Variants in GLIS1 observed in about 807,000 individuals in gnomAD.
GLIS1 encodes the protein zinc finger protein GLIS1.
GLIS1 carries 24 observed loss-of-function variants against 63.8 expected under a neutral mutation model. The observed-to-expected ratio is 0.38, with a 90% CI of 0.27 to 0.53. The LOEUF is 0.53. Ranked by LOEUF, GLIS1 falls within the 20% of genes least tolerant of loss-of-function variation. GLIS1 has a pLI of 0.85. For missense variants in GLIS1, 1,036 were observed against 1,074.1 expected, an observed-to-expected ratio of 0.96 and a Z score of 0.50; for synonymous variants, 450 against 482.5, an observed-to-expected ratio of 0.93 and a Z score of 0.88.
chr1:53,633,465 A>G (rs1221621078), intron 2 of GLIS1, among the ~76,000 whole-genome samples: 1 of 123,342 alleles, frequency 8.1e-6, no homozygotes, highest in African/African-American at 3.0e-5. Context: ...GGTGTGAATG[A>G]GTGGCTGAGG....
intron 2 of GLIS1, among the ~76,000 whole-genome samples, chr1:53,730,402 G>T (rs1436852404): frequency 1.3e-5 from 2 of 152,156 alleles, no homozygotes; most frequent in Admixed American, 1.3e-4. Flanking sequence ...AATTCATATA[G>T]TCCAGCAGCG....
Position 53,600,816 on chromosome 1 carries a change from C to A in GLIS1, c.260-538G>T, listed in dbSNP as rs147656765. Among the ~76,000 whole-genome samples the A allele has an allele frequency of 7.6e-3, 1,158 of 152,318 alleles. 16 individuals carry two copies. The highest frequency in any genetic ancestry group is 0.025 in the African/African-American group (1,025 of 41,568). The stretch of plus-strand genomic sequence containing the variant: ...CAAAAGCTCAGTCTACATTGTCTCC[C>A]AAATTGTGTTACACCACAGAAACAC... On this transcript the variant is annotated intron_variant, in intron 2 of 10. Transcript: ENST00000628545.
intron 2 of GLIS1, among the ~76,000 whole-genome samples, chr1:53,645,849 T>C (rs1349664963): frequency 2.0e-5 from 3 of 152,218 alleles, no homozygotes; most frequent in Non-Finnish European, 2.9e-5. Context: ...TTGCAGGAAG[T>C]AGAGCTGGGC....
intron 4 of GLIS1, among the ~76,000 whole-genome samples, chr1:53,546,585 G>A (rs1644701479): frequency 8.7e-6 from 1 of 114,404 alleles, no homozygotes; most frequent in Non-Finnish European, 2.1e-5. Flanking sequence ...GACTACATGA[G>A]ATGAGAGATG....
In GLIS1 at chr1:53,607,960, T is replaced by C. The variant is rs1232104952; in HGVS notation, c.260-7682A>G. 2.5e-3 allele frequency among the ~76,000 whole-genome samples: 358 copies of C among 143,018 alleles called. 7 individuals are homozygous for C. The East Asian group carries it at 0.061, about 24-fold the overall frequency. 93.8% of individuals were successfully genotyped at this position (143,018 alleles called of 152,430 possible). A position where few individuals can be genotyped will look rare whatever the true frequency, so the allele number is the denominator to read the frequency against. On this transcript the variant is annotated intron_variant, in intron 2 of 10. Coordinates refer to ENST00000628545, the MANE Select transcript of GLIS1 (RefSeq NM_001367484.1). ...AGAGTGAGCTCTCTGATGTCTCTCT[T>C]TTTTTTTTTTTTTTTTGAGACAGGG...
chr1:53,544,291 G>C (rs1644676031), intron 4 of GLIS1, among the ~76,000 whole-genome samples: 1 of 152,194 alleles, frequency 6.6e-6, no homozygotes, highest in Non-Finnish European at 1.5e-5. Flanking sequence ...ATAGGGCTGA[G>C]GACTAAGAGA....
chr1:53,609,418 G>A (rs1318129104), intron 2 of GLIS1, among the ~76,000 whole-genome samples: 2 of 151,744 alleles, frequency 1.3e-5, no homozygotes, highest in Non-Finnish European at 2.9e-5. Flanking sequence ...CTACAGGTGT[G>A]TGCCACCACA....
intron 5 of GLIS1, among the ~76,000 whole-genome samples, chr1:53,525,897 C>T (rs1644463549): frequency 6.6e-6 from 1 of 152,144 alleles, no homozygotes; most frequent in South Asian, 2.1e-4. Flanking sequence ...TGGGTTTGCT[C>T]AGTGTCCCTC....
At chr1:53,632,574 GCATGTGAATGAGTGTGACTGAGGGA>G (rs1557492003) in intron 2 of GLIS1, among the ~76,000 whole-genome samples, 6 of 150,134 alleles carry the variant, frequency 4.0e-5, no homozygotes, top group East Asian at 4.0e-4. Context: ...TGACTGAGGG[GCATGTGAATGAGTGTGACTGAGGGA>G]CATGTGAATG....
chr1:53,711,925 A>C (rs1356138593), intron 2 of GLIS1, among the ~76,000 whole-genome samples: 1 of 152,172 alleles, frequency 6.6e-6, no homozygotes, highest in East Asian at 1.9e-4. Flanking sequence ...TGATCCCTAC[A>C]GGCCTTCGCT....
intron 2 of GLIS1, among the ~76,000 whole-genome samples, chr1:53,735,937 C>A (rs1339182472): frequency 1.3e-5 from 2 of 152,156 alleles, no homozygotes; most frequent in African/African-American, 4.8e-5. Flanking sequence ...AGCCCAGGAC[C>A]CTGAGCCTTC....
At chr1:53,556,389 GGT>G (rs1196524018) in intron 4 of GLIS1, among the ~76,000 whole-genome samples, 23 of 132,228 alleles carry the variant, frequency 1.7e-4, no homozygotes, top group African/African-American at 4.0e-4. Flanking sequence ...GTGTACTGCA[GGT>G]GTGTGTGTGT....
In GLIS1 at chr1:53,617,695, A is replaced by G. The variant is rs567091978; in HGVS notation, c.260-17417T>C. 4.6e-5 allele frequency among the ~76,000 whole-genome samples: 7 copies of G among 152,392 alleles called. No individual in the cohort carries two copies. The South Asian group carries it at 1.2e-3, about 27-fold the overall frequency. ...TTATTTCCCTTTTAGTTCTTCTTCA[A>G]TATAAAACCTTATATGAAAAATTTT... On this transcript the variant is annotated intron_variant, in intron 2 of 10. Transcript: ENST00000628545.
chr1:53,732,396 T>C (rs1290402315), intron 2 of GLIS1, among the ~76,000 whole-genome samples: 2 of 152,048 alleles, frequency 1.3e-5, no homozygotes, highest in Non-Finnish European at 2.9e-5. Flanking sequence ...AAACTACTTT[T>C]CCCCCTCTTT....
chr1:53,561,047 G>C (rs1202242952), intron 4 of GLIS1, among the ~76,000 whole-genome samples: 1 of 152,176 alleles, frequency 6.6e-6, no homozygotes, highest in Non-Finnish European at 1.5e-5. Flanking sequence ...CTGTGTGCCA[G>C]GCATTGGGAT....
At chr1:53,737,752 G>A in intron 2 of GLIS1, 54 bp downstream of exon 2, 3 of 1,229,806 alleles carry the variant, frequency 2.4e-6, no homozygotes, top group Non-Finnish European at 3.0e-6. Context: ...GGCGACGCCG[G>A]GCAGCCCGAA....
intron 2 of GLIS1, among the ~76,000 whole-genome samples, chr1:53,681,200 C>G (rs1646271312): frequency 6.6e-6 from 1 of 152,286 alleles, no homozygotes; most frequent in African/African-American, 2.4e-5. Context: ...GAGTTCGTGG[C>G]TGCGTGAAGA....
chr1:53,530,092 C>T, intron 4 of GLIS1, 140 bp from the exon 5 acceptor site: 1 of 757,510 alleles, frequency 1.3e-6, no homozygotes, highest in Non-Finnish European at 2.1e-6. Flanking sequence ...TCTGGATCAG[C>T]TCCCCATGAA....
chr1:53,617,293 C>G (rs1645492260), intron 2 of GLIS1, among the ~76,000 whole-genome samples: 1 of 152,228 alleles, frequency 6.6e-6, no homozygotes, highest in Non-Finnish European at 1.5e-5. Context: ...CAGTCTCACA[C>G]TAACTTTCTA....
Sources: gnomAD v4.1 joint callset for allele counts (sites outside exome capture counted in the v4.1 genomes callset) on GRCh38, gnomAD v4.1.1 for gene constraint, MANE v1.5 for transcripts, NCBI Gene and HGNC (gene_info 2026-07-23, HGNC 2026-07-21) for gene names.